ARHGAP28: variants seen among roughly 807,000 people sequenced by gnomAD.
The protein encoded by ARHGAP28 is rho GTPase-activating protein 28.
In ARHGAP28, 56 loss-of-function variants were observed where a neutral mutation model predicts 90.7. The observed-to-expected ratio is 0.62, with a 90% CI of 0.50 to 0.77. The LOEUF (loss-of-function observed/expected upper bound fraction) is 0.77. Among genes scored for constraint, ARHGAP28 ranks in the 30% least tolerant of loss-of-function variants. The pLI, the probability that ARHGAP28 is intolerant of heterozygous loss-of-function variation, is 0.00. For synonymous variants in ARHGAP28, 308 were observed against 323.3 expected (o/e 0.95, Z 0.51); for missense variants, 869 against 900.9 (o/e 0.96, Z 0.45).
chr18:6,887,453 C>A (rs1166675194), intron 12 of ARHGAP28, among the ~76,000 whole-genome samples: 4 of 129,514 alleles, frequency 3.1e-5, no homozygotes, highest in Admixed American at 8.2e-5. Context: ...TTTTGAGAGA[C>A]AGAGTTTTGC....
chr18:6,890,486 G>A lies in ARHGAP28; in HGVS notation c.1791G>A (p.Leu597=). ...GAATGAATGAAGCCACGATGCTATT[G>A]AAGAAGCAGCTCCCAAGTGTCAGGA... ...VRRMNEATML[L]KKQLPSVRKL... The change falls in exon 14 of 18, where the codon TTG becomes TTA. Residue 597 remains leucine (L), a synonymous_variant. Transcript: ENST00000383472. 1 of 1,613,736 alleles carries A rather than the reference G, an allele frequency of 6.2e-7. No individual in the cohort carries two copies. The highest frequency in any genetic ancestry group is 8.5e-7 in the Non-Finnish European group (1 of 1,179,880).
intron 14 of ARHGAP28, among the ~76,000 whole-genome samples, chr18:6,892,501 A>G (rs1249411624): frequency 2.0e-5 from 3 of 152,240 alleles, no homozygotes; most frequent in South Asian, 4.2e-4. Flanking sequence ...TAGTTTCTTT[A>G]GAAACTGTTG....
chr18:6,841,195 CTCTCTCTCCTCTCCTCT>C (rs2056819021), intron 3 of ARHGAP28, among the ~76,000 whole-genome samples: 7 of 63,344 alleles, frequency 1.1e-4, no homozygotes, highest in African/African-American at 5.3e-4. Flanking sequence ...CTCTCTCTCT[CTCTCTCTCCTCTCCTCT>C]CTCTCTCTCT....
At chr18:6,756,111 T>C (rs946551345) in intron 1 of ARHGAP28, among the ~76,000 whole-genome samples, 2 of 152,206 alleles carry the variant, frequency 1.3e-5, no homozygotes, top group African/African-American at 2.4e-5. Flanking sequence ...GTTTCCTCCC[T>C]GGGGATAGTA....
rs548381951 is a variant in ARHGAP28, at chr18:6,911,974, C to T, written c.2096-86C>T. ...AAAACTATATTAACCTTATTTGAAC[C>T]TCACAAACACACACAGACACATATG... is the stretch of plus-strand genomic sequence containing the variant. On this transcript the variant is annotated intron_variant, in intron 17 of 17. Coordinates refer to ENST00000383472, the MANE Select transcript of ARHGAP28 (RefSeq NM_001366230.1). 8.9e-6 allele frequency: 7 copies of T among 786,562 alleles called. No individual in the cohort carries two copies. The East Asian group carries it at 1.9e-4, about 22-fold the overall frequency. 48.7% of individuals were successfully genotyped at this position (786,562 alleles called of 1,614,324 possible). A position where few individuals can be genotyped will look rare whatever the true frequency, so the allele number is the denominator to read the frequency against.
chr18:6,810,613 G>C (rs1249740757), intron 1 of ARHGAP28, among the ~76,000 whole-genome samples: 3 of 152,142 alleles, frequency 2.0e-5, no homozygotes, highest in African/African-American at 7.2e-5. Context: ...TGGGTTGTTA[G>C]ATGTGAGTCT....
At chr18:6,877,167 A>G (rs2057137693) in intron 10 of ARHGAP28, among the ~76,000 whole-genome samples, 1 of 152,246 alleles carries the variant, frequency 6.6e-6, no homozygotes, top group Non-Finnish European at 1.5e-5. Context: ...TTGTATCAGT[A>G]TCAGAGTTTT....
chr18:6,902,268 T>C (rs9952020), intron 16 of ARHGAP28, among the ~76,000 whole-genome samples: 2,933 of 152,272 alleles, frequency 0.019, 83 homozygotes, highest in African/African-American at 0.067. Context: ...TGTATCAATA[T>C]TGGTTCATTA....
chr18:6,777,625 T>C (rs556989913), intron 1 of ARHGAP28, among the ~76,000 whole-genome samples: 94 of 152,226 alleles, frequency 6.2e-4, no homozygotes, highest in African/African-American at 2.1e-3. Flanking sequence ...CTTGGAAAGC[T>C]GCGGTGGGAG....
intron 14 of ARHGAP28, among the ~76,000 whole-genome samples, chr18:6,892,622 A>T (rs376573246): frequency 1.3e-5 from 2 of 152,174 alleles, no homozygotes; most frequent in Admixed American, 1.3e-4. Flanking sequence ...TGGAAATCAG[A>T]TTCTTCTCCC....
intron 1 of ARHGAP28, among the ~76,000 whole-genome samples, chr18:6,817,140 C>G (rs899891187): frequency 2.0e-5 from 3 of 151,062 alleles, no homozygotes; most frequent in Admixed American, 6.6e-5. Context: ...ATGGTGAAAC[C>G]CCGTCTCTAC....
intron 1 of ARHGAP28, among the ~76,000 whole-genome samples, chr18:6,771,724 C>A (rs142879742): frequency 6.6e-6 from 1 of 152,158 alleles, no homozygotes; most frequent in East Asian, 1.9e-4. Context: ...GTTTCTGATC[C>A]TTGAGACTAT....
At chr18:6,733,793 T>G (rs2143117675) in intron 1 of ARHGAP28, among the ~76,000 whole-genome samples, 1 of 152,352 alleles carries the variant, frequency 6.6e-6, no homozygotes, top group African/African-American at 2.4e-5. Flanking sequence ...TCATTCTCAC[T>G]TATTTTCCAT....
At chr18:6,741,285 A>G (rs1237022100) in intron 1 of ARHGAP28, among the ~76,000 whole-genome samples, 2 of 152,180 alleles carry the variant, frequency 1.3e-5, no homozygotes, top group Non-Finnish European at 1.5e-5. Context: ...TTAACATACC[A>G]CAACTTAACT....
chr18:6,847,679 C>T (rs1184291388), intron 3 of ARHGAP28, among the ~76,000 whole-genome samples: 1 of 151,684 alleles, frequency 6.6e-6, no homozygotes, highest in East Asian at 1.9e-4. Context: ...AATCTTCAAA[C>T]ACTTATATAT....
At chr18:6,730,087 G>T in intron 1 of ARHGAP28, 144 bp downstream of exon 1, 1 of 863,444 alleles carries the variant, frequency 1.2e-6, no homozygotes, top group East Asian at 3.4e-5. Flanking sequence ...GTGAGCCTGG[G>T]GTTCTTTGCA....
At chr18:6,752,240 A>G (rs1315686768) in intron 1 of ARHGAP28, among the ~76,000 whole-genome samples, 6 of 152,078 alleles carry the variant, frequency 3.9e-5, no homozygotes, top group Non-Finnish European at 7.4e-5. Context: ...CCTCATTGCT[A>G]CTCTCAGATA....
intron 1 of ARHGAP28, among the ~76,000 whole-genome samples, chr18:6,759,876 G>C (rs1337036462): frequency 6.6e-6 from 1 of 152,126 alleles, no homozygotes; most frequent in Non-Finnish European, 1.5e-5. Context: ...TTTTCAGAAG[G>C]CACTTCATTT....
intron 1 of ARHGAP28, among the ~76,000 whole-genome samples, chr18:6,822,951 C>T (rs1189725454): frequency 3.9e-5 from 6 of 152,142 alleles, no homozygotes; most frequent in African/African-American, 9.7e-5. Flanking sequence ...GATAACAATC[C>T]GCTGCTGCTC....
Sources: allele counts gnomAD v4.1 joint callset (sites outside exome capture counted in the v4.1 genomes callset), GRCh38; gene constraint gnomAD v4.1.1; transcripts MANE v1.5; gene names NCBI Gene and HGNC (gene_info 2026-07-23, HGNC 2026-07-21).